Variants in MTDH observed in about 807,000 individuals in gnomAD.
The protein encoded by MTDH is metadherin, also known as protein LYRIC.
In MTDH, 34 loss-of-function variants were observed where a neutral mutation model predicts 72.7. The ratio of observed to expected loss-of-function variants is 0.47; its 90% CI spans 0.36 to 0.62. MTDH has a LOEUF of 0.62. Among genes scored for constraint, MTDH ranks in the 20% least tolerant of loss-of-function variants. The probability of loss-of-function intolerance (pLI) is 0.00; values close to 1 mark genes in which losing one functional copy is unlikely to be tolerated. For synonymous variants in MTDH, 266 were observed against 268.9 expected (o/e 0.99, Z 0.10); for missense variants, 677 against 699.4 (o/e 0.97, Z 0.36).
Position 97,713,651 on chromosome 8 carries a change from T to A in MTDH, c.1273-11T>A. The stretch of plus-strand genomic sequence containing the variant: ...TTTGGTTCTCTTTAATATTTTTGCT[T>A]TTAACCTAAGGTCTCAGATGATGAT... On this transcript the variant is annotated splice_polypyrimidine_tract_variant and intron_variant, in intron 8 of 11. Coordinates refer to ENST00000336273, the MANE Select transcript of MTDH (RefSeq NM_178812.4). 16 of 1,543,084 alleles carry A rather than the reference T, an allele frequency of 1.0e-5. No individual in the cohort carries two copies. The highest frequency in any genetic ancestry group is 1.2e-5 in the Non-Finnish European group (14 of 1,140,618).
At chr8:97,678,579 C>T (rs1180429569) in intron 2 of MTDH, among the ~76,000 whole-genome samples, 6 of 135,256 alleles carry the variant, frequency 4.4e-5, no homozygotes, top group Non-Finnish European at 7.9e-5. Flanking sequence ...GTTTCCTTTG[C>T]TTCCTTCCTT....
intron 2 of MTDH, among the ~76,000 whole-genome samples, chr8:97,662,258 A>G (rs1812201609): frequency 6.6e-6 from 1 of 150,740 alleles, no homozygotes; most frequent in South Asian, 2.1e-4. Context: ...CATAGTCTTG[A>G]ACTTCTAATC....
chr8:97,713,360 C>G (rs1175242858), intron 8 of MTDH, among the ~76,000 whole-genome samples: 1 of 152,188 alleles, frequency 6.6e-6, no homozygotes, highest in Non-Finnish European at 1.5e-5. Flanking sequence ...GCTGGGATTA[C>G]AGGCATGAAC....
At chr8:97,718,632 T>C (rs1230248244) in intron 9 of MTDH, among the ~76,000 whole-genome samples, 1 of 151,326 alleles carries the variant, frequency 6.6e-6, no homozygotes, top group Non-Finnish European at 1.5e-5. Flanking sequence ...GCAATTCTCA[T>C]ACCTCCTCCT....
intron 4 of MTDH, among the ~76,000 whole-genome samples, chr8:97,688,628 G>A (rs1813462436): frequency 6.6e-6 from 1 of 152,062 alleles, no homozygotes; most frequent in Non-Finnish European, 1.5e-5. Context: ...CCAAATACTG[G>A]CAAAGTTCTT....
rs1814553043 is a variant in MTDH at position 97,709,997 on chromosome 8, A to C, written c.1272+3247A>C. 3.3e-5 allele frequency among the ~76,000 whole-genome samples: 5 copies of C among 152,222 alleles called. No individual in the cohort carries two copies. In the South Asian group the frequency reaches 1.0e-3, roughly 31 times the overall value. On this transcript the variant is annotated intron_variant, in intron 8 of 11. Coordinates refer to ENST00000336273, the MANE Select transcript of MTDH (RefSeq NM_178812.4). ...TTATAATGAAGTGATAAGCTGACTG[A>C]AGAAAGTCCTTGTGACCTGAGTATC...
At chr8:97,719,451 C>T (rs1026158164) in intron 10 of MTDH, among the ~76,000 whole-genome samples, 5 of 147,182 alleles carry the variant, frequency 3.4e-5, no homozygotes, top group African/African-American at 1.0e-4. Flanking sequence ...CGAGATCACT[C>T]CACTGCACTC....
In MTDH at chr8:97,719,461, C is replaced by G. The variant is rs550713113; in HGVS notation, c.1521+272C>G. 6.4e-3 allele frequency among the ~76,000 whole-genome samples: 923 copies of G among 144,966 alleles called. 3 individuals are homozygous for G. Among genetic ancestry groups the G allele is most frequent in the Non-Finnish European group, 9.9e-3 (664 of 67,300 alleles). On this transcript the variant is annotated intron_variant, in intron 10 of 11. Transcript: ENST00000336273. ...TGAGCCGAGATCACTCCACTGCACTCCGGCCTAGGCAAGAGAGCAAGACAC... is the reference window on the plus strand; with the variant it reads ...TGAGCCGAGATCACTCCACTGCACTGCGGCCTAGGCAAGAGAGCAAGACAC...
intron 1 of MTDH, among the ~76,000 whole-genome samples, chr8:97,647,850 G>A (rs1039726703): frequency 6.6e-6 from 1 of 151,870 alleles, no homozygotes. Flanking sequence ...AGGCACTGTT[G>A]GGAGGATCAC....
chr8:97,648,065 TGTAGA>T (rs1434125438), intron 1 of MTDH, among the ~76,000 whole-genome samples: 3 of 152,238 alleles, frequency 2.0e-5, no homozygotes, highest in South Asian at 2.1e-4. Context: ...ATTTTTCATT[TGTAGA>T]GTAAATAGTG....
intron 1 of MTDH, among the ~76,000 whole-genome samples, chr8:97,657,982 C>T (rs893147120): frequency 1.3e-5 from 2 of 152,158 alleles, no homozygotes; most frequent in East Asian, 1.9e-4. Context: ...AAGGCCTTCT[C>T]GACCAGCTGT....
At position 97,714,847 on chromosome 8, in the gene MTDH, A is replaced by T. The variant is rs532225855; in HGVS notation, c.1380+1078A>T. Among the ~76,000 whole-genome samples, 7 of 151,354 alleles carry T rather than the reference A, an allele frequency of 4.6e-5. No homozygotes were observed. In the East Asian group the frequency reaches 1.4e-3, roughly 29 times the overall value. On this transcript the variant is annotated intron_variant, in intron 9 of 11. Coordinates refer to ENST00000336273, the MANE Select transcript of MTDH (RefSeq NM_178812.4). ...TTTATCTTTTTTTTTTTTATTTGAG[A>T]CAGAGTCTTGTTCTGTTGCCCAGGC...
intron 2 of MTDH, among the ~76,000 whole-genome samples, chr8:97,682,243 TATATATATATATATATATATATATATA>T (rs1813123402): frequency 2.4e-4 from 1 of 4,236 alleles, no homozygotes; most frequent in African/African-American, 1.1e-3. Flanking sequence ...TATATATATA[TATATATATATATATATATATATATATA>T]TATATATATA....
rs140753043 is a variant in MTDH, at chr8:97,691,080, A to G, written c.940A>G (p.Lys314Glu). The G allele has an allele frequency of 3.1e-6, 5 of 1,614,070 alleles. No individual in the cohort carries two copies. In the African/African-American group the frequency reaches 6.7e-5, roughly 22 times the overall value. The change falls in exon 6 of 12, where the codon AAG becomes GAG. Residue 314 changes from lysine to glutamate, a missense_variant. Around this residue, in one of 3 missense-constraint regions of MTDH, gnomAD observed 467 missense variants for 469.1 expected, o/e 1.00. Transcript: ENST00000336273. Reference protein sequence around the residue: ...WNSVSPASAGKRKTEPSAWSQ... With the variant: ...WNSVSPASAGERKTEPSAWSQ... ...CTCCGTTTCACCTGCTTCTGCAGGA[A>G]AGAGGAAAACTGAGCCATCTGCCTG...
chr8:97,668,185 G>A (rs1355732718), intron 2 of MTDH, among the ~76,000 whole-genome samples: 1 of 152,094 alleles, frequency 6.6e-6, no homozygotes, highest in Admixed American at 6.6e-5. Flanking sequence ...TACTCGGGAG[G>A]CTGAGGCAGG....
At chr8:97,695,486 T>C (rs1035087985) in intron 6 of MTDH, among the ~76,000 whole-genome samples, 3 of 152,178 alleles carry the variant, frequency 2.0e-5, no homozygotes, top group Non-Finnish European at 4.4e-5. Context: ...TTAATGTTGT[T>C]ACAGATAATA....
chr8:97,719,221 G>A (rs373850472), intron 10 of MTDH, 32 bp downstream of exon 10: 21 of 1,605,474 alleles, frequency 1.3e-5, no homozygotes, highest in East Asian at 2.2e-5. Flanking sequence ...GTTGCCGGGC[G>A]CAGTGGCTTA....
chr8:97,688,096 A>G (rs1813438030), intron 4 of MTDH, among the ~76,000 whole-genome samples: 1 of 152,192 alleles, frequency 6.6e-6, no homozygotes, highest in Non-Finnish European at 1.5e-5. Flanking sequence ...CAGAACTTCA[A>G]AGATTGAGCT....
At chr8:97,657,798 T>C (rs1235840191) in intron 1 of MTDH, among the ~76,000 whole-genome samples, 1 of 152,180 alleles carries the variant, frequency 6.6e-6, no homozygotes, top group African/African-American at 2.4e-5. Flanking sequence ...CGTGAGCCAC[T>C]GCACCTGACC....
Sources: gnomAD v4.1 joint callset for allele counts (sites outside exome capture counted in the v4.1 genomes callset) on GRCh38, gnomAD v4.1.1 for gene constraint, gnomAD v4.1.1 regional missense constraint, MANE v1.5 for transcripts, NCBI Gene and HGNC (gene_info 2026-07-23, HGNC 2026-07-21) for gene names.